GALNT17: variants seen among roughly 807,000 people sequenced by gnomAD.
GALNT17 encodes polypeptide N-acetylgalactosaminyltransferase 17, also known as UDP-GalNAc:polypeptide N-acetylgalactosaminyltransferase-like 3.
In GALNT17, 29 loss-of-function variants were observed where a neutral mutation model predicts 63.7. The observed-to-expected ratio is 0.46, with a 90% CI of 0.34 to 0.62. The LOEUF is 0.62. Among genes scored for constraint, GALNT17 ranks in the 20% least tolerant of loss-of-function variants. The pLI is 0.01. For missense variants in GALNT17, 603 were observed against 799.6 expected (o/e 0.75, Z 2.97); for synonymous variants, 305 against 318.3 (o/e 0.96, Z 0.45).
chr7:71,582,634 C>T (rs1434674259), intron 6 of GALNT17, among the ~76,000 whole-genome samples: 1 of 151,892 alleles, frequency 6.6e-6, no homozygotes, highest in Non-Finnish European at 1.5e-5. Flanking sequence ...TACTACTCGG[C>T]CATAAAAAGG....
At chr7:71,149,114 C>A (rs1788085217) in intron 1 of GALNT17, among the ~76,000 whole-genome samples, 1 of 151,880 alleles carries the variant, frequency 6.6e-6, no homozygotes, top group Non-Finnish European at 1.5e-5. Flanking sequence ...GAGACGGAGT[C>A]TTGCTGTGTT....
chr7:71,536,765 T>C (rs1237775254), intron 5 of GALNT17, among the ~76,000 whole-genome samples: 1 of 152,170 alleles, frequency 6.6e-6, no homozygotes, highest in Non-Finnish European at 1.5e-5. Context: ...CCTTGTAGAA[T>C]GGGAACGACA....
chr7:71,384,850 A>G (rs2116330656), intron 2 of GALNT17, among the ~76,000 whole-genome samples: 1 of 152,276 alleles, frequency 6.6e-6, no homozygotes, highest in Non-Finnish European at 1.5e-5. Context: ...TAATTCAGTG[A>G]GATCTATCCA....
intron 5 of GALNT17, among the ~76,000 whole-genome samples, chr7:71,441,843 T>C (rs2116519898): frequency 6.6e-6 from 1 of 152,344 alleles, no homozygotes; most frequent in Non-Finnish European, 1.5e-5. Flanking sequence ...TAGTATTCCA[T>C]GGTGTGTATG....
chr7:71,668,408 C>T (rs555226691), intron 7 of GALNT17, among the ~76,000 whole-genome samples: 8 of 147,798 alleles, frequency 5.4e-5, no homozygotes, highest in South Asian at 4.3e-4. Flanking sequence ...TCCAGCTACT[C>T]GGGAGGCTGA....
At chr7:71,264,040 A>G (rs1362583368) in intron 1 of GALNT17, among the ~76,000 whole-genome samples, 3 of 152,186 alleles carry the variant, frequency 2.0e-5, no homozygotes, top group Admixed American at 6.5e-5. Context: ...CTTGGGGACT[A>G]TCGTTTGAGA....
intron 1 of GALNT17, among the ~76,000 whole-genome samples, chr7:71,143,407 C>CAAA (rs66560650): frequency 5.1e-5 from 6 of 116,948 alleles, no homozygotes; most frequent in South Asian, 3.0e-4. Context: ...GAGACTGTCT[C>CAAA]AAAAAAAAAA....
chr7:71,359,540 A>G (rs1481395466), intron 2 of GALNT17, among the ~76,000 whole-genome samples: 2 of 152,060 alleles, frequency 1.3e-5, no homozygotes, highest in Non-Finnish European at 2.9e-5. Context: ...AGATTTCAAT[A>G]TGGCGTGTCA....
At chr7:71,427,184 A>T (rs968487755) in intron 5 of GALNT17, among the ~76,000 whole-genome samples, 2 of 149,038 alleles carry the variant, frequency 1.3e-5, no homozygotes, top group African/African-American at 4.9e-5. Context: ...GGTTGAAGCG[A>T]TTCTCTTGCC....
chr7:71,576,316 A>C (rs760353223), intron 6 of GALNT17, among the ~76,000 whole-genome samples: 2 of 152,212 alleles, frequency 1.3e-5, no homozygotes, highest in Non-Finnish European at 2.9e-5. Context: ...GTGTGGATGC[A>C]TTGAATTGTG....
At position 71,362,973 on chromosome 7, in the gene GALNT17, C is replaced by CT. The variant is rs918133566; in HGVS notation, c.423-25251dup. On this transcript the variant is annotated intron_variant, in intron 2 of 10. Coordinates refer to ENST00000333538, the MANE Select transcript of GALNT17 (RefSeq NM_022479.3). ...CTTCCATTTCTTTCTTTCTTTCTTT[C>CT]TTTTTTTTTTTGAGGCAGAGTCTCA... 1.7e-3 allele frequency among the ~76,000 whole-genome samples: 254 copies of CT among 149,564 alleles called. 2 individuals carry two copies. The highest frequency in any genetic ancestry group is 7.1e-3 in the Middle Eastern group (2 of 280).
At chr7:71,187,096 C>T (rs748277792) in intron 1 of GALNT17, among the ~76,000 whole-genome samples, 19 of 152,054 alleles carry the variant, frequency 1.2e-4, no homozygotes, top group Non-Finnish European at 2.2e-4. Flanking sequence ...AAGACGACTA[C>T]AACTTTTAGT....
chr7:71,689,942 C>T (rs1200554373), intron 9 of GALNT17, among the ~76,000 whole-genome samples: 8 of 152,100 alleles, frequency 5.3e-5, no homozygotes, highest in African/African-American at 1.9e-4. Context: ...GCTAAATCTA[C>T]TCTGCATGTG....
chr7:71,241,094 A>G (rs1583790186), intron 1 of GALNT17, among the ~76,000 whole-genome samples: 1 of 152,248 alleles, frequency 6.6e-6, no homozygotes, highest in East Asian at 1.9e-4. Context: ...TGTGTTTATG[A>G]TGATGTTCTC....
intron 6 of GALNT17, among the ~76,000 whole-genome samples, chr7:71,593,629 G>T (rs1424168964): frequency 6.6e-6 from 1 of 152,140 alleles, no homozygotes; most frequent in Non-Finnish European, 1.5e-5. Context: ...TCATGGATGG[G>T]AACTTCTTCA....
intron 5 of GALNT17, among the ~76,000 whole-genome samples, chr7:71,514,228 T>C (rs1788411010): frequency 6.6e-6 from 1 of 151,836 alleles, no homozygotes; most frequent in Non-Finnish European, 1.5e-5. Flanking sequence ...AACTGCATGA[T>C]GGGGTAGGTG....
intron 5 of GALNT17, among the ~76,000 whole-genome samples, chr7:71,550,591 G>A (rs1046063423): frequency 1.2e-4 from 19 of 152,188 alleles, no homozygotes; most frequent in Admixed American, 4.6e-4. Flanking sequence ...ATATTGGCCA[G>A]GCTAGTCTTG....
chr7:71,605,316 G>A (rs573568824), intron 6 of GALNT17, among the ~76,000 whole-genome samples: 8 of 152,214 alleles, frequency 5.3e-5, no homozygotes, highest in African/African-American at 1.7e-4. Context: ...GGCCAACCAC[G>A]ATGGCTCACA....
chr7:71,248,481 T>A (rs2116484015), intron 1 of GALNT17, among the ~76,000 whole-genome samples: 1 of 152,248 alleles, frequency 6.6e-6, no homozygotes, highest in South Asian at 2.1e-4. Context: ...CTGCGACTTA[T>A]ATATAAAATA....
Sources: gnomAD v4.1 joint callset for allele counts (sites outside exome capture counted in the v4.1 genomes callset) on GRCh38, gnomAD v4.1.1 for gene constraint, MANE v1.5 for transcripts, NCBI Gene and HGNC (gene_info 2026-07-23, HGNC 2026-07-21) for gene names.